BRSK1: variants seen among roughly 807,000 people sequenced by gnomAD.
BRSK1 encodes BR serine/threonine kinase 1.
BRSK1 carries 17 observed loss-of-function variants against 86.2 expected under a neutral mutation model. The ratio of observed to expected loss-of-function variants is 0.20; its 90% confidence interval spans 0.14 to 0.30. The LOEUF (loss-of-function observed/expected upper bound fraction) is 0.30, where lower values mean the gene tolerates loss of function less well. Among genes scored for constraint, BRSK1 ranks in the 10% least tolerant of loss-of-function variants. The pLI is 1.00. For missense variants in BRSK1, 719 were observed against 1,071.9 expected, an observed-to-expected ratio of 0.67 and a Z score of 4.60; for synonymous variants, 464 against 440.1, an observed-to-expected ratio of 1.05 and a Z score of -0.68.
At chr19:55,301,295 A>G (rs868581812) in intron 7 of BRSK1, among the ~76,000 whole-genome samples, 7 of 152,224 alleles carry the variant, frequency 4.6e-5, no homozygotes, top group Admixed American at 3.9e-4. Flanking sequence ...AACAGCCTCC[A>G]CGCTGCAATT....
At chr19:55,309,417 A>G (rs977270735) in intron 18 of BRSK1, among the ~76,000 whole-genome samples, 2 of 152,232 alleles carry the variant, frequency 1.3e-5, no homozygotes, top group African/African-American at 2.4e-5. Flanking sequence ...TCAGGCTACT[A>G]TAAGAAAATA....
rs2088579629 is a variant in BRSK1, at chr19:55,302,083, C to T, written c.826-54C>T. On this transcript the variant is annotated intron_variant, in intron 8 of 18. Transcript: ENST00000309383. The surrounding 1 kb of genome is among the most constrained non-coding windows in gnomAD (Gnocchi z 6.3). ...ACCACCCCAGTCTTTCATTGCGCGC[C>T]TACATGTGCCTACGACCTCACTTCT... 4 of 1,609,042 alleles carry T rather than the reference C, an allele frequency of 2.5e-6. No individual in the cohort carries two copies. Among genetic ancestry groups the T allele is most frequent in the Non-Finnish European group, 3.4e-6 (4 of 1,175,480 alleles).
chr19:55,312,037 T>G lies in BRSK1; in HGVS notation c.2306T>G (p.Leu769Arg). The change falls in exon 19 of 19, where the codon CTC (leucine) becomes CGC (arginine). Residue 769 changes from leucine to arginine, a missense_variant. By Grantham distance (102) the Leu-to-Arg change is moderately radical (BLOSUM62 -2). Transcript: ENST00000309383. ...CGAGGCCCCCCCAAGGACAAGAAGC[T>G]CCTGGCCACCAACGGGACCCCTCTG... ...PRRGPPKDKK[L>R]LATNGTPLP 1 of 1,481,410 alleles carries G rather than the reference T, an allele frequency of 6.8e-7. No individual in the cohort carries two copies. The highest frequency in any genetic ancestry group is 9.0e-7 in the Non-Finnish European group (1 of 1,115,950). 91.8% of individuals were successfully genotyped at this position (1,481,410 alleles called of 1,614,324 possible).
In BRSK1 at chr19:55,284,524, G is replaced by A; in HGVS notation, c.82G>A (p.Ala28Thr). Residue 28 changes from alanine to threonine, a missense_variant, in exon 1 of 19, where the codon GCC becomes ACC. Physicochemically the swap from Ala to Thr is moderately conservative, Grantham distance 58. Transcript: ENST00000309383. ...CCCCCACCCCCACCCACCCCAGCAC[G>A]CCCAATATGTGGGCCCCTATCGGCT... ...PHPHPHPPQHAQYVGPYRLEK... is the reference protein window; with the variant it reads ...PHPHPHPPQHTQYVGPYRLEK... 4 of 615,764 alleles carry A rather than the reference G, an allele frequency of 6.5e-6. No individual in the cohort carries two copies. Among genetic ancestry groups the A allele is most frequent in the East Asian group, 8.9e-5 (1 of 11,220 alleles). 38.1% of individuals were successfully genotyped at this position (615,764 alleles called of 1,614,324 possible).
chr19:55,308,903 C>G (rs1180994014), intron 18 of BRSK1, among the ~76,000 whole-genome samples, 175 bp downstream of exon 18: 1 of 151,954 alleles, frequency 6.6e-6, no homozygotes, highest in Non-Finnish European at 1.5e-5. Flanking sequence ...AGAGGACGCC[C>G]AGCTGGTGGG....
rs376221150 is a variant in BRSK1, at chr19:55,307,455, A to G, written c.2089+1005A>G. Reference sequence around the variant, plus strand: ...TCCCAGCTACTCAGGAGGCTGAGGCAGGAGAATCGCTTGAACTCAGGAGGC... The same window carrying G: ...TCCCAGCTACTCAGGAGGCTGAGGCGGGAGAATCGCTTGAACTCAGGAGGC... On this transcript the variant is annotated intron_variant, in intron 17 of 18. Transcript: ENST00000309383. Among the ~76,000 whole-genome samples the G allele has an allele frequency of 4.2e-3, 633 of 149,770 alleles. 4 individuals carry two copies. The highest frequency in any genetic ancestry group is 0.015 in the African/African-American group (604 of 40,612).
chr19:55,309,272 T>A (rs1332309935), intron 18 of BRSK1, among the ~76,000 whole-genome samples: 1 of 152,128 alleles, frequency 6.6e-6, no homozygotes, highest in Non-Finnish European at 1.5e-5. Flanking sequence ...AATTCTAAGC[T>A]GAGTTCATGG....
intron 17 of BRSK1, 115 bp from the exon 18 acceptor site, chr19:55,308,524 G>A (rs1692412869): frequency 5.4e-6 from 4 of 737,714 alleles, no homozygotes; most frequent in South Asian, 1.4e-5. Flanking sequence ...CAGGGGAGAC[G>A]GAGATGCAGG....
At position 55,304,867 on chromosome 19, in the gene BRSK1, C is replaced by T. The variant is rs780474606; in HGVS notation, c.1664C>T (p.Ser555Phe). 4.3e-6 allele frequency: 7 copies of T among 1,609,808 alleles called. No homozygotes were observed. The highest frequency in any genetic ancestry group is 5.9e-6 in the Non-Finnish European group (7 of 1,179,788). Residue 555 changes from serine to phenylalanine, a missense_variant, in exon 14 of 19, where the codon TCC (serine) becomes TTC (phenylalanine). Coordinates refer to ENST00000309383, the MANE Select transcript of BRSK1 (RefSeq NM_032430.2). This position sits in a 1 kb window ranked among gnomAD's most constrained non-coding sequence, Gnocchi z 5.2. ...GCCGCCTGGAGGAGTCGTCTCAACT[C>T]CATCCGCAACAGCTTCCTGGGCTCC... is the stretch of plus-strand genomic sequence containing the variant. ...GGAAWRSRLN[S>F]IRNSFLGSPR...
Position 55,284,341 on chromosome 19 carries a change from GGGGGGCC to G in BRSK1, c.-98_-92del. On this transcript the variant is annotated 5_prime_UTR_variant, in exon 1 of 19. Coordinates refer to ENST00000309383, the MANE Select transcript of BRSK1 (RefSeq NM_032430.2). ...CCCCCGGAGAGGTGGGGGGCAGCCG[GGGGGGCC>G]GGGACGGAGCGGTCGCCGGCCCCCA... The G allele has an allele frequency of 1.1e-6, 1 of 900,382 alleles. No homozygotes were observed. The highest frequency in any genetic ancestry group is 1.5e-6 in the Non-Finnish European group (1 of 680,986). 55.8% of individuals were successfully genotyped at this position (900,382 alleles called of 1,614,324 possible).
chr19:55,284,771 G>A lies in BRSK1; in HGVS notation c.136+193G>A, dbSNP rs371753321. Among the ~76,000 whole-genome samples the A allele has an allele frequency of 2.1e-4, 32 of 151,858 alleles. No individual in the cohort carries two copies. In the South Asian group the frequency reaches 4.6e-3, roughly 22 times the overall value. ...GGGGGCGCAGACTCAGGTCCTGGAG[G>A]AGAGGGGCTGGGGGCCTGGACTCCT... is the stretch of plus-strand genomic sequence containing the variant. On this transcript the variant is annotated intron_variant, in intron 1 of 18. Transcript: ENST00000309383.
Position 55,306,883 on chromosome 19 carries a change from G to A in BRSK1, c.2089+433G>A, listed in dbSNP as rs576261746. Among the ~76,000 whole-genome samples the A allele has an allele frequency of 6.6e-6, 1 of 152,286 alleles. No homozygotes were observed. The highest frequency in any genetic ancestry group is 1.9e-4 in the East Asian group (1 of 5,176). On this transcript the variant is annotated intron_variant, in intron 17 of 18. Transcript: ENST00000309383. The surrounding 1 kb of genome is among the most constrained non-coding windows in gnomAD (Gnocchi z 4.7). Reference sequence around the variant, plus strand: ...TACTTTAAGATGGTAGAGCCAAAGGGTGAAGACACAGCACACTGCTGTCTA... The same window carrying A: ...TACTTTAAGATGGTAGAGCCAAAGGATGAAGACACAGCACACTGCTGTCTA...
chr19:55,289,472 T>A lies in BRSK1; in HGVS notation c.318-8T>A. On this transcript the variant is annotated splice_polypyrimidine_tract_variant and splice_region_variant and intron_variant, in intron 3 of 18. Transcript: ENST00000309383. ...CTTCCAGCCCTCTGCCCCCTCTATA[T>A]CCTTTAGGTACCTGGTTCTGGAGCA... 1 of 1,609,692 alleles carries A rather than the reference T, an allele frequency of 6.2e-7. No individual in the cohort carries two copies. The highest frequency in any genetic ancestry group is 8.5e-7 in the Non-Finnish European group (1 of 1,178,162).
chr19:55,302,048 G>A lies in BRSK1; in HGVS notation c.826-89G>A. The A allele has an allele frequency of 6.9e-7, 1 of 1,458,432 alleles. No individual in the cohort carries two copies. The highest frequency in any genetic ancestry group is 2.3e-5 in the East Asian group (1 of 44,124). 90.3% of individuals were successfully genotyped at this position (1,458,432 alleles called of 1,614,324 possible). A position where few individuals can be genotyped will look rare whatever the true frequency, so the allele number is the denominator to read the frequency against. ...GTGGGGTGGGCGGGGAGATGATCAG[G>A]GACCCCAAAACCACCCCAGTCTTTC... is the stretch of plus-strand genomic sequence containing the variant. On this transcript the variant is annotated intron_variant, in intron 8 of 18. Transcript: ENST00000309383. The surrounding 1 kb of genome is among the most constrained non-coding windows in gnomAD (Gnocchi z 6.3).
At chr19:55,292,982 C>T (rs757324604) in intron 4 of BRSK1, among the ~76,000 whole-genome samples, 3 of 152,000 alleles carry the variant, frequency 2.0e-5, no homozygotes, top group South Asian at 2.1e-4. Context: ...CACTCCAGGC[C>T]GGGCAACAGA....
rs2088569846 is a variant in BRSK1, at chr19:55,301,612, G to A, written c.779G>A (p.Ser260Asn). ...MPHFIPPDCQ[S>N]LLRGMIEVEP... ...CACTTCATTCCTCCAGATTGCCAGA[G>A]CCTCCTGAGGGGAATGATCGAAGTG... The change falls in exon 8 of 19, where the codon AGC (serine) becomes AAC (asparagine). Residue 260 changes from serine to asparagine, a missense_variant. By Grantham distance (46) the Ser-to-Asn change is conservative (BLOSUM62 1). Around this residue, in one of 6 missense-constraint regions of BRSK1, gnomAD observed 75 missense variants for 281.0 expected, o/e 0.27. Transcript: ENST00000309383. 1 of 1,613,212 alleles carries A rather than the reference G, an allele frequency of 6.2e-7. No homozygotes were observed. The highest frequency in any genetic ancestry group is 8.5e-7 in the Non-Finnish European group (1 of 1,179,732).
chr19:55,293,915 A>C (rs1214112406), intron 4 of BRSK1, 102 bp from the exon 5 acceptor site: 13 of 1,021,960 alleles, frequency 1.3e-5, no homozygotes, highest in African/African-American at 3.2e-5. Flanking sequence ...TCCCCTAAAA[A>C]TCCAAAAAGT....
chr19:55,293,950 G>A, intron 4 of BRSK1, 67 bp from the exon 5 acceptor site: 4 of 1,362,620 alleles, frequency 2.9e-6, no homozygotes, highest in Non-Finnish European at 4.1e-6. Context: ...CACTGTGAGA[G>A]CCAGTCAGTG....
rs1211664750 is a variant in BRSK1 at position 55,306,268 on chromosome 19, A to G, written c.1907A>G (p.His636Arg). 2 of 1,614,008 alleles carry G rather than the reference A, an allele frequency of 1.2e-6. No homozygotes were observed. Residue 636 changes from histidine to arginine, a missense_variant, in exon 17 of 19, where the codon CAC becomes CGC. Physicochemically the swap from His to Arg is conservative, Grantham distance 29. Coordinates refer to ENST00000309383, the MANE Select transcript of BRSK1 (RefSeq NM_032430.2). This position sits in a 1 kb window ranked among gnomAD's most constrained non-coding sequence, Gnocchi z 4.7. The stretch of plus-strand genomic sequence containing the variant: ...CTCGCTCAGATCCCCAGCCTGAGTC[A>G]CAGTGTGCTGTCACAGACCAGCTTC... Reference protein sequence around the residue: ...HAFLSIPSLSHSVLSQTSFRA... With the variant: ...HAFLSIPSLSRSVLSQTSFRA...
Sources: allele counts gnomAD v4.1 joint callset (sites outside exome capture counted in the v4.1 genomes callset), GRCh38; gene constraint gnomAD v4.1.1; regional missense constraint gnomAD v4.1.1; non-coding constraint Gnocchi (gnomAD v3.1); transcripts MANE v1.5; gene names NCBI Gene and HGNC (gene_info 2026-07-23, HGNC 2026-07-21).